MYZAP: variants seen among roughly 807,000 people sequenced by gnomAD.
MYZAP encodes GRINL1A complex locus upstream.
Under a neutral mutation model 69.4 loss-of-function variants are expected in MYZAP, and 66 were observed. The observed-to-expected ratio is 0.95, with a 90% CI of 0.78 to 1.17. The LOEUF (loss-of-function observed/expected upper bound fraction) is 1.17. Among genes scored for constraint, MYZAP ranks in the 50% most tolerant of loss-of-function variants. The pLI is 0.00. For missense variants in MYZAP, 611 were observed against 556.2 expected, an observed-to-expected ratio of 1.10 and a Z score of -0.99; for synonymous variants, 256 against 205.9, an observed-to-expected ratio of 1.24 and a Z score of -2.09.
intron 10 of MYZAP, among the ~76,000 whole-genome samples, chr15:57,652,588 G>A (rs533723214): frequency 1.3e-5 from 2 of 152,146 alleles, no homozygotes; most frequent in South Asian, 4.1e-4. Flanking sequence ...GTCACAGTGG[G>A]TATGTGGGGA....
intron 10 of MYZAP, chr15:57,646,354 CTCT>C: frequency 1.7e-6 from 2 of 1,181,926 alleles, no homozygotes; most frequent in Non-Finnish European, 1.1e-6. Flanking sequence ...CCATGTGGGG[CTCT>C]TGTTTGTGAA....
At chr15:57,640,832 G>C (rs1190396328) in intron 10 of MYZAP, among the ~76,000 whole-genome samples, 2 of 152,174 alleles carry the variant, frequency 1.3e-5, no homozygotes, top group Admixed American at 6.5e-5. Context: ...AGCAGAGGAG[G>C]CCACGCACGC....
intron 4 of MYZAP, among the ~76,000 whole-genome samples, chr15:57,624,553 G>A (rs191711623): frequency 2.2e-3 from 333 of 152,278 alleles, no homozygotes; most frequent in Non-Finnish European, 3.8e-3. Context: ...AAGTCATTCT[G>A]CCATGACTGT....
At chr15:57,638,888 T>A (rs1415847909) in intron 9 of MYZAP, among the ~76,000 whole-genome samples, 1 of 152,180 alleles carries the variant, frequency 6.6e-6, no homozygotes, top group African/African-American at 2.4e-5. Context: ...TTACTGGATG[T>A]TCCAATATGT....
chr15:57,652,516 A>T (rs760052409), intron 10 of MYZAP, among the ~76,000 whole-genome samples: 100 of 152,344 alleles, frequency 6.6e-4, no homozygotes, highest in Non-Finnish European at 1.2e-3. Flanking sequence ...GAATTAAGGA[A>T]TGCTATGCAA....
At chr15:57,601,743 T>G (rs2034429935) in intron 1 of MYZAP, among the ~76,000 whole-genome samples, 1 of 151,906 alleles carries the variant, frequency 6.6e-6, no homozygotes, top group South Asian at 2.1e-4. Flanking sequence ...TGAAACCAAG[T>G]CATGTGATTT....
chr15:57,609,664 A>G (rs2034984233), intron 2 of MYZAP, among the ~76,000 whole-genome samples: 1 of 152,232 alleles, frequency 6.6e-6, no homozygotes, highest in Non-Finnish European at 1.5e-5. Flanking sequence ...AATTATAGTA[A>G]CAACTCAGAT....
At chr15:57,658,165 G>T (rs1157788800) in intron 10 of MYZAP, among the ~76,000 whole-genome samples, 2 of 152,056 alleles carry the variant, frequency 1.3e-5, no homozygotes, top group African/African-American at 2.4e-5. Context: ...AGCCCTCTAC[G>T]TTACCCAGGT....
chr15:57,607,022 C>T (rs1459361117), intron 2 of MYZAP, among the ~76,000 whole-genome samples: 2 of 152,192 alleles, frequency 1.3e-5, no homozygotes, highest in African/African-American at 4.8e-5. Flanking sequence ...CTTCTGTCCT[C>T]ACTGCTCCTC....
At position 57,653,318 on chromosome 15, in the gene MYZAP, G is replaced by T. The variant is rs529256409; in HGVS notation, c.1120-8132G>T. 1.1e-4 allele frequency among the ~76,000 whole-genome samples: 16 copies of T among 152,194 alleles called. No individual in the cohort carries two copies. In the South Asian group the frequency reaches 1.2e-3, roughly 12 times the overall value. The stretch of plus-strand genomic sequence containing the variant: ...CATTATTTGAAAATTTGACAATTTC[G>T]CAAGGAAACAGCTTGAAGTTCCCCA... On this transcript the variant is annotated intron_variant, in intron 10 of 12. Transcript: ENST00000267853.
intron 1 of MYZAP, among the ~76,000 whole-genome samples, chr15:57,603,551 T>A (rs1172142531): frequency 1.3e-5 from 2 of 152,246 alleles, no homozygotes; most frequent in Non-Finnish European, 2.9e-5. Flanking sequence ...TTTTGATTAC[T>A]CCTGGTACCT....
chr15:57,662,723 C>T (rs1254266303), intron 11 of MYZAP, among the ~76,000 whole-genome samples: 2 of 152,076 alleles, frequency 1.3e-5, no homozygotes, highest in East Asian at 1.9e-4. Context: ...AACTGAGGTT[C>T]GGGGGTATTA....
intron 1 of MYZAP, among the ~76,000 whole-genome samples, chr15:57,595,356 A>T (rs1332242810): frequency 1.3e-5 from 2 of 152,230 alleles, no homozygotes; most frequent in Non-Finnish European, 2.9e-5. Context: ...CAGCAGGAAG[A>T]CAAATTGACT....
At chr15:57,669,146 C>T (rs949654842) in intron 11 of MYZAP, among the ~76,000 whole-genome samples, 1 of 152,092 alleles carries the variant, frequency 6.6e-6, no homozygotes, top group Admixed American at 6.6e-5. Flanking sequence ...ATGTCGGGTT[C>T]CCAAAGTACT....
rs777527520 is a variant in MYZAP, at chr15:57,618,147, T to C, written c.277T>C (p.Ser93Pro). The C allele has an allele frequency of 3.7e-6, 6 of 1,614,116 alleles. No individual in the cohort carries two copies. Among genetic ancestry groups the C allele is most frequent in the Non-Finnish European group, 5.1e-6 (6 of 1,180,020 alleles). Residue 93 changes from serine to proline, a missense_variant, in exon 3 of 13, where the codon TCC becomes CCC. Physicochemically the swap from Ser to Pro is moderately conservative, Grantham distance 74. Coordinates refer to ENST00000267853, the MANE Select transcript of MYZAP (RefSeq NM_001018100.5). Reference protein sequence around the residue: ...QQKEMVVYGWSTSQLKEEMNY... With the variant: ...QQKEMVVYGWPTSQLKEEMNY... ...GAAAGAAATGGTGGTGTATGGGTGG[T>C]CCACCAGTCAGCTGAAAGAAGAGAT...
chr15:57,640,001 TTC>T (rs1229811542), intron 10 of MYZAP, among the ~76,000 whole-genome samples: 2 of 152,094 alleles, frequency 1.3e-5, no homozygotes, highest in Non-Finnish European at 2.9e-5. Flanking sequence ...CCTTGTCTGT[TTC>T]TCTCTTTTTT....
chr15:57,603,685 T>A (rs1284500909), intron 1 of MYZAP, among the ~76,000 whole-genome samples: 1 of 152,250 alleles, frequency 6.6e-6, no homozygotes, highest in African/African-American at 2.4e-5. Context: ...TAATATTGGG[T>A]AATATTCCAT....
intron 11 of MYZAP, among the ~76,000 whole-genome samples, chr15:57,668,877 T>G (rs1475977908): frequency 8.3e-5 from 2 of 24,222 alleles, no homozygotes; most frequent in African/African-American, 1.2e-4. Flanking sequence ...GTTGAAGATA[T>G]ATATATATAT....
At chr15:57,678,788 C>T (rs1028715346) in intron 12 of MYZAP, among the ~76,000 whole-genome samples, 1 of 152,030 alleles carries the variant, frequency 6.6e-6, no homozygotes, top group Non-Finnish European at 1.5e-5. Context: ...CTCCTACTCA[C>T]TCATCTGTAC....
Sources: gnomAD v4.1 joint callset for allele counts (sites outside exome capture counted in the v4.1 genomes callset) on GRCh38, gnomAD v4.1.1 for gene constraint, MANE v1.5 for transcripts, NCBI Gene and HGNC (gene_info 2026-07-23, HGNC 2026-07-21) for gene names.